CDKAL1: variants seen among roughly 807,000 people sequenced by gnomAD.
CDKAL1 encodes threonylcarbamoyladenosine tRNA methylthiotransferase.
A neutral mutation model predicts 68.2 loss-of-function variants in CDKAL1; 32 were observed. The ratio of observed to expected loss-of-function variants is 0.47; its 90% confidence interval spans 0.35 to 0.63. CDKAL1 has a LOEUF of 0.63. Ranked by LOEUF, CDKAL1 falls within the 30% of genes least tolerant of loss-of-function variation. The pLI is 0.00. For synonymous variants in CDKAL1, 234 were observed against 244.3 expected, an observed-to-expected ratio of 0.96 and a Z score of 0.39; for missense variants, 606 against 696.7, an observed-to-expected ratio of 0.87 and a Z score of 1.47.
chr6:20,954,409 T>C (rs888201402), intron 9 of CDKAL1, among the ~76,000 whole-genome samples: 5 of 152,228 alleles, frequency 3.3e-5, no homozygotes, highest in Non-Finnish European at 1.5e-5. Context: ...ACTTATACTT[T>C]GGTTCAGGCT....
At chr6:20,582,690 C>T (rs963010797) in intron 4 of CDKAL1, among the ~76,000 whole-genome samples, 10 of 152,212 alleles carry the variant, frequency 6.6e-5, no homozygotes, top group African/African-American at 2.4e-4. Context: ...TTTCTTTTTC[C>T]TCCTGTAGAA....
intron 8 of CDKAL1, among the ~76,000 whole-genome samples, chr6:20,803,802 A>C (rs1401147932): frequency 2.6e-5 from 4 of 152,190 alleles, no homozygotes; most frequent in Non-Finnish European, 5.9e-5. Flanking sequence ...TAAAAGAAAT[A>C]GCTACTGGGA....
At chr6:20,645,419 A>C (rs1392677237) in intron 4 of CDKAL1, among the ~76,000 whole-genome samples, 1 of 152,152 alleles carries the variant, frequency 6.6e-6, no homozygotes, top group Non-Finnish European at 1.5e-5. Flanking sequence ...CTTATTGTTT[A>C]AGTGTTTAAA....
intron 11 of CDKAL1, among the ~76,000 whole-genome samples, chr6:21,050,499 G>A (rs1279597152): frequency 6.6e-6 from 1 of 152,250 alleles, no homozygotes; most frequent in African/African-American, 2.4e-5. Flanking sequence ...TTTCAGTCAA[G>A]AGAGGACATG....
At chr6:20,809,309 T>C (rs1025760317) in intron 8 of CDKAL1, among the ~76,000 whole-genome samples, 4 of 152,356 alleles carry the variant, frequency 2.6e-5, no homozygotes, top group Middle Eastern at 3.4e-3. Flanking sequence ...GTTTCTTCAC[T>C]TAATATGTTG....
chr6:21,195,013 C>A (rs1448215335), intron 13 of CDKAL1, among the ~76,000 whole-genome samples: 1 of 152,130 alleles, frequency 6.6e-6, no homozygotes, highest in African/African-American at 2.4e-5. Context: ...ATGATCAAAG[C>A]TTACTGCAGC....
intron 5 of CDKAL1, among the ~76,000 whole-genome samples, chr6:20,649,979 GT>G (rs1768675402): frequency 6.6e-6 from 1 of 152,160 alleles, no homozygotes; most frequent in South Asian, 2.1e-4. Flanking sequence ...GGGAATTTGG[GT>G]TGATTCCATG....
intron 8 of CDKAL1, chr6:20,800,767 C>A (rs771615265): frequency 6.6e-6 from 1 of 152,158 alleles, no homozygotes; most frequent in Non-Finnish European, 1.5e-5. Context: ...AAACAACAGG[C>A]GTGTGTCACC....
intron 5 of CDKAL1, among the ~76,000 whole-genome samples, chr6:20,721,646 T>G (rs1772364898): frequency 3.9e-5 from 6 of 152,044 alleles, no homozygotes. Flanking sequence ...CATACTATTT[T>G]CCATAGTGTC....
chr6:21,111,394 G>T, intron 13 of CDKAL1, among the ~76,000 whole-genome samples: 1 of 152,152 alleles, frequency 6.6e-6, no homozygotes, highest in East Asian at 1.9e-4. Flanking sequence ...TTGCCTACTA[G>T]AAACTGTTAA....
chr6:20,904,782 TC>T lies in CDKAL1; in HGVS notation c.743-50635del, dbSNP rs1762159495. On this transcript the variant is annotated intron_variant, in intron 9 of 15. Transcript: ENST00000274695. ...CCAGCCTGGGCAACAAGAGCAAAAC[TC>T]CATCTCAAGAAAAAAAAAAAGAAAA... Among the ~76,000 whole-genome samples the T allele has an allele frequency of 2.3e-5, 3 of 129,320 alleles. No homozygotes were observed. The South Asian group carries it at 7.9e-4, about 34-fold the overall frequency. 84.8% of individuals were successfully genotyped at this position (129,320 alleles called of 152,430 possible). A position where few individuals can be genotyped will look rare whatever the true frequency, so the allele number is the denominator to read the frequency against.
intron 12 of CDKAL1, among the ~76,000 whole-genome samples, chr6:21,090,794 T>C (rs1346749429): frequency 2.6e-5 from 3 of 117,250 alleles, no homozygotes; most frequent in African/African-American, 9.8e-5. Flanking sequence ...ACTAACAATT[T>C]TTTCTTTTTT....
intron 9 of CDKAL1, among the ~76,000 whole-genome samples, chr6:20,863,733 G>A (rs186151403): frequency 2.1e-4 from 32 of 152,256 alleles, no homozygotes; most frequent in African/African-American, 7.5e-4. Context: ...GAATATTAAT[G>A]TATACCCATA....
chr6:20,769,051 G>A (rs964653136), intron 7 of CDKAL1, among the ~76,000 whole-genome samples: 3 of 152,030 alleles, frequency 2.0e-5, no homozygotes, highest in African/African-American at 7.2e-5. Context: ...TGGAAAAACA[G>A]CCTTGGCTCT....
intron 12 of CDKAL1, among the ~76,000 whole-genome samples, chr6:21,107,148 C>T (rs1055920949): frequency 2.0e-5 from 3 of 151,918 alleles, no homozygotes; most frequent in Admixed American, 6.6e-5. Context: ...GGGGTTTTAC[C>T]GTGTTAGCCA....
chr6:20,550,349 C>T (rs190986948), intron 4 of CDKAL1, among the ~76,000 whole-genome samples: 2 of 152,284 alleles, frequency 1.3e-5, no homozygotes, highest in East Asian at 3.9e-4. Flanking sequence ...CTGATACTAT[C>T]ATTATGTATT....
At chr6:20,899,062 CT>C (rs149183099) in intron 9 of CDKAL1, among the ~76,000 whole-genome samples, 2 of 113,750 alleles carry the variant, frequency 1.8e-5, no homozygotes, top group African/African-American at 3.4e-5. Flanking sequence ...TCTTCTAATT[CT>C]TTTTTTTTTT....
chr6:21,044,098 T>G (rs188080474), intron 11 of CDKAL1, among the ~76,000 whole-genome samples: 18 of 152,338 alleles, frequency 1.2e-4, no homozygotes, highest in African/African-American at 4.1e-4. Flanking sequence ...TATACCATGT[T>G]GTACCCAAAA....
At chr6:20,883,012 T>C (rs1760898601) in intron 9 of CDKAL1, among the ~76,000 whole-genome samples, 1 of 152,176 alleles carries the variant, frequency 6.6e-6, no homozygotes, top group South Asian at 2.1e-4. Flanking sequence ...CTTTTGCTCC[T>C]GAAACTTTTG....
Sources: gnomAD v4.1 joint callset for allele counts (sites outside exome capture counted in the v4.1 genomes callset) on GRCh38, gnomAD v4.1.1 for gene constraint, MANE v1.5 for transcripts, NCBI Gene and HGNC (gene_info 2026-07-23, HGNC 2026-07-21) for gene names.